The following BCAT1 variants were observed in gnomAD, a reference collection of about 807,000 sequenced individuals.
BCAT1 encodes the protein branched-chain-amino-acid aminotransferase, cytosolic.
A neutral mutation model predicts 52.4 loss-of-function variants in BCAT1; 48 were observed. That is an observed-to-expected ratio of 0.92 (90% CI 0.73 to 1.16). The LOEUF is 1.16. BCAT1 is among the 50% of genes most tolerant of loss of function. The pLI is 0.00. For synonymous variants in BCAT1, 167 were observed against 161.3 expected (o/e 1.04, Z -0.27); for missense variants, 451 against 457.1 (o/e 0.99, Z 0.12).
chr12:24,819,587 A>G (rs894222237), intron 10 of BCAT1, among the ~76,000 whole-genome samples: 1 of 152,130 alleles, frequency 6.6e-6, no homozygotes. Context: ...ATATAAGGAC[A>G]CTAAGGCTCT....
At position 24,812,694 on chromosome 12, in the gene BCAT1, C is replaced by T. The variant is rs1267037852; in HGVS notation, c.*5314G>A. The T allele has an allele frequency of 6.6e-6, 1 of 151,922 alleles. No individual in the cohort carries two copies. Among genetic ancestry groups the T allele is most frequent in the Non-Finnish European group, 1.5e-5 (1 of 67,838 alleles). 9.4% of individuals were successfully genotyped at this position (151,922 alleles called of 1,614,324 possible). A position where few individuals can be genotyped will look rare whatever the true frequency, so the allele number is the denominator to read the frequency against. Reference sequence around the variant, plus strand: ...AAATATGTTTTGTTTTTTTCCCCTCCTCTATCATTCCTTTCTTCTCTACCT... The same window carrying T: ...AAATATGTTTTGTTTTTTTCCCCTCTTCTATCATTCCTTTCTTCTCTACCT... On this transcript the variant is annotated 3_prime_UTR_variant, in exon 11 of 11. Coordinates refer to ENST00000261192, the MANE Select transcript of BCAT1 (RefSeq NM_005504.7).
At chr12:24,890,832 AATTTTATTTTAC>A (rs1457555649) in intron 3 of BCAT1, among the ~76,000 whole-genome samples, 4 of 152,204 alleles carry the variant, frequency 2.6e-5, no homozygotes, top group African/African-American at 9.6e-5. Flanking sequence ...TTTCTTAATA[AATTTTATTTTAC>A]TTTGTGGACT....
intron 5 of BCAT1, among the ~76,000 whole-genome samples, chr12:24,851,476 C>T (rs1941508055): frequency 6.6e-6 from 1 of 152,316 alleles, no homozygotes; most frequent in African/African-American, 2.4e-5. Flanking sequence ...TGTGTTTACA[C>T]AAGCACACAC....
At chr12:24,847,812 T>C (rs1055252356) in intron 6 of BCAT1, among the ~76,000 whole-genome samples, 3 of 152,238 alleles carry the variant, frequency 2.0e-5, no homozygotes, top group Non-Finnish European at 4.4e-5. Flanking sequence ...TTCTTGACTT[T>C]ATGAGACTCA....
chr12:24,815,704 CT>C lies in BCAT1; in HGVS notation c.*2303del, dbSNP rs1939851436. 6.6e-6 allele frequency: 1 copy of C among 152,074 alleles called. No homozygotes were observed. The highest frequency in any genetic ancestry group is 1.9e-4 in the East Asian group (1 of 5,200). 9.4% of individuals were successfully genotyped at this position (152,074 alleles called of 1,614,324 possible). On this transcript the variant is annotated 3_prime_UTR_variant, in exon 11 of 11. Transcript: ENST00000261192. ...GACCTCCAGTTTTTAAACATCTATC[CT>C]TAGTTTTCACTGGGTCTGATGAAAA...
chr12:24,914,892 T>C (rs73061885), intron 1 of BCAT1, among the ~76,000 whole-genome samples: 2,628 of 152,288 alleles, frequency 0.017, 35 homozygotes, highest in Middle Eastern at 0.027. Context: ...TCAGCCCAAA[T>C]TGTAGGCAAA....
Position 24,817,928 on chromosome 12 carries a change from T to C in BCAT1, c.*80A>G, listed in dbSNP as rs1939941530. 2 of 1,459,200 alleles carry C rather than the reference T, an allele frequency of 1.4e-6. No homozygotes were observed. Among genetic ancestry groups the C allele is most frequent in the Non-Finnish European group, 1.9e-6 (2 of 1,045,522 alleles). 90.4% of individuals were successfully genotyped at this position (1,459,200 alleles called of 1,614,324 possible). A position where few individuals can be genotyped will look rare whatever the true frequency, so the allele number is the denominator to read the frequency against. The stretch of plus-strand genomic sequence containing the variant: ...ATGCACAGGTAGCCAAAGAAATCTA[T>C]CACAATTCAAATGCAACAGTCTGTC... On this transcript the variant is annotated 3_prime_UTR_variant, in exon 11 of 11. Coordinates refer to ENST00000261192, the MANE Select transcript of BCAT1 (RefSeq NM_005504.7).
In BCAT1 at chr12:24,912,587, G is replaced by A. The variant is rs559574619; in HGVS notation, c.7-10702C>T. 4.6e-5 allele frequency among the ~76,000 whole-genome samples: 7 copies of A among 151,878 alleles called. 1 individual carries two copies. In the South Asian group the frequency reaches 1.5e-3, roughly 32 times the overall value. On this transcript the variant is annotated intron_variant, in intron 1 of 10. Transcript: ENST00000261192. ...TACACCCAAAGGAGAAAATGGGGCC[G>A]GGCGTGATGGCTTATGTCTGTAATC...
At chr12:24,903,938 G>C (rs1943179886) in intron 1 of BCAT1, 2 of 152,188 alleles carry the variant, frequency 1.3e-5, no homozygotes, top group Non-Finnish European at 2.9e-5. Context: ...GGAAAGAGGG[G>C]GAGGGCAGTT....
At chr12:24,907,944 A>G (rs957544752) in intron 1 of BCAT1, among the ~76,000 whole-genome samples, 1 of 152,190 alleles carries the variant, frequency 6.6e-6, no homozygotes, top group Non-Finnish European at 1.5e-5. Context: ...ACACATGACA[A>G]TGCCTATATT....
intron 7 of BCAT1, among the ~76,000 whole-genome samples, chr12:24,840,994 C>T (rs1328627274): frequency 6.6e-6 from 1 of 151,988 alleles, no homozygotes; most frequent in East Asian, 1.9e-4. Context: ...TGTTTTTCTC[C>T]CACCGTTGGC....
chr12:24,818,212 AAG>A (rs1939958879), intron 10 of BCAT1, among the ~76,000 whole-genome samples, 163 bp from the exon 11 acceptor site: 1 of 152,214 alleles, frequency 6.6e-6, no homozygotes, highest in African/African-American at 2.4e-5. Context: ...ATTAGAGAGA[AAG>A]AGAGGAAAAG....
At position 24,815,573 on chromosome 12, in the gene BCAT1, G is replaced by T. The variant is rs1939846873; in HGVS notation, c.*2435C>A. The T allele has an allele frequency of 6.6e-6, 1 of 152,400 alleles. No homozygotes were observed. The highest frequency in any genetic ancestry group is 2.4e-5 in the African/African-American group (1 of 41,426). 9.4% of individuals were successfully genotyped at this position (152,400 alleles called of 1,614,324 possible). On this transcript the variant is annotated 3_prime_UTR_variant, in exon 11 of 11. Coordinates refer to ENST00000261192, the MANE Select transcript of BCAT1 (RefSeq NM_005504.7). ...AAACAAATAGTGCACAAGGAAAAAA[G>T]ATGTGCAGATGTTCCTGTTAAATCT...
At chr12:24,867,548 T>G (rs1268608054) in intron 5 of BCAT1, among the ~76,000 whole-genome samples, 3 of 152,136 alleles carry the variant, frequency 2.0e-5, no homozygotes, top group African/African-American at 7.2e-5. Context: ...GATTTAGCAC[T>G]GAGAAGAAAA....
chr12:24,878,496 G>A (rs530959241), intron 5 of BCAT1, 34 bp downstream of exon 5: 2 of 1,586,596 alleles, frequency 1.3e-6, no homozygotes, highest in Middle Eastern at 1.7e-4. Flanking sequence ...AACTTGCCCA[G>A]CAAAGTACCC....
At chr12:24,818,854 T>C (rs1688934196) in intron 10 of BCAT1, among the ~76,000 whole-genome samples, 1 of 152,210 alleles carries the variant, frequency 6.6e-6, no homozygotes, top group African/African-American at 2.4e-5. Flanking sequence ...AATAGAAAGC[T>C]AGTTCTATAT....
At chr12:24,851,239 C>A (rs1170723778) in intron 5 of BCAT1, among the ~76,000 whole-genome samples, 1 of 152,166 alleles carries the variant, frequency 6.6e-6, no homozygotes, top group Non-Finnish European at 1.5e-5. Context: ...AGAGCCTGGT[C>A]TACCTGGATA....
At chr12:24,828,778 G>T (rs1480182259) in intron 10 of BCAT1, among the ~76,000 whole-genome samples, 2 of 152,190 alleles carry the variant, frequency 1.3e-5, no homozygotes, top group Non-Finnish European at 1.5e-5. Flanking sequence ...AGCCAAGGCG[G>T]GTGGATCACC....
chr12:24,837,993 C>A (rs930745672), intron 7 of BCAT1, among the ~76,000 whole-genome samples: 1 of 152,218 alleles, frequency 6.6e-6, no homozygotes, highest in African/African-American at 2.4e-5. Context: ...ATCAGCTGCA[C>A]AAGCTCTCCT....
Sources: gnomAD v4.1 joint callset for allele counts (sites outside exome capture counted in the v4.1 genomes callset) on GRCh38, gnomAD v4.1.1 for gene constraint, MANE v1.5 for transcripts, NCBI Gene and HGNC (gene_info 2026-07-23, HGNC 2026-07-21) for gene names.